ATRNL1: variants seen among roughly 807,000 people sequenced by gnomAD.
ATRNL1 encodes attractin like 1.
Under a neutral mutation model 182.7 loss-of-function variants are expected in ATRNL1, and 95 were observed. That is an observed-to-expected ratio of 0.52 (90% CI 0.44 to 0.62). ATRNL1 has a LOEUF of 0.62. Among genes scored for constraint, ATRNL1 ranks in the 20% least tolerant of loss-of-function variants. The pLI is 0.00. For missense variants in ATRNL1, 1,471 were observed against 1,679.5 expected (o/e 0.88, Z 2.17); for synonymous variants, 576 against 568.3 (o/e 1.01, Z -0.19).
intron 26 of ATRNL1, among the ~76,000 whole-genome samples, chr10:115,643,953 C>T (rs1180503269): frequency 6.6e-6 from 1 of 152,134 alleles, no homozygotes; most frequent in Non-Finnish European, 1.5e-5. Flanking sequence ...GACATAATCT[C>T]ATTTCTCCAT....
intron 19 of ATRNL1, among the ~76,000 whole-genome samples, chr10:115,335,416 T>G (rs1005441049): frequency 6.6e-6 from 1 of 152,180 alleles, no homozygotes; most frequent in African/African-American, 2.4e-5. Context: ...AATATGGCTG[T>G]CTGGGCCACT....
At chr10:115,204,162 A>G (rs1305430594) in intron 8 of ATRNL1, among the ~76,000 whole-genome samples, 1 of 152,018 alleles carries the variant, frequency 6.6e-6, no homozygotes, top group Non-Finnish European at 1.5e-5. Context: ...CTGCAAGTTT[A>G]CGGAATTTTT....
intron 19 of ATRNL1, among the ~76,000 whole-genome samples, chr10:115,368,119 C>T (rs1354050277): frequency 4.6e-5 from 7 of 152,226 alleles, no homozygotes; most frequent in Admixed American, 4.6e-4. Flanking sequence ...CGCCCCTCCC[C>T]CAGGCTCGCT....
intron 19 of ATRNL1, among the ~76,000 whole-genome samples, chr10:115,370,899 A>G (rs1857359847): frequency 1.3e-5 from 2 of 152,154 alleles, no homozygotes; most frequent in Non-Finnish European, 1.5e-5. Flanking sequence ...CAGGAGGCCT[A>G]GGAGGAAAAC....
At chr10:115,773,218 C>A (rs1949037880) in intron 27 of ATRNL1, among the ~76,000 whole-genome samples, 1 of 152,020 alleles carries the variant, frequency 6.6e-6, no homozygotes, top group African/African-American at 2.4e-5. Context: ...GCAAAAAATC[C>A]ATTCCCAAAA....
chr10:115,940,672 A>ACTCT lies in ATRNL1; in HGVS notation c.4019-3963_4019-3960dup, dbSNP rs144547639. Among the ~76,000 whole-genome samples, 874 of 128,870 alleles carry ACTCT rather than the reference A, an allele frequency of 6.8e-3. 5 individuals carry two copies. Among genetic ancestry groups the ACTCT allele is most frequent in the Admixed American group, 6.6e-3 (90 of 13,620 alleles). 84.5% of individuals were successfully genotyped at this position (128,870 alleles called of 152,430 possible). ...GTGCTGAAAGGCAATGACAGAGATT[A>ACTCT]CTCTCTCTCTCTCTCTCTCTCTCTC... On this transcript the variant is annotated intron_variant, in intron 28 of 28. Transcript: ENST00000355044.
chr10:115,109,666 A>T (rs562241706), intron 1 of ATRNL1, among the ~76,000 whole-genome samples: 1 of 152,110 alleles, frequency 6.6e-6, no homozygotes, highest in Non-Finnish European at 1.5e-5. Context: ...CATGTCAAGG[A>T]TGGCTGTTAT....
intron 18 of ATRNL1, among the ~76,000 whole-genome samples, chr10:115,332,746 A>T (rs559380750): frequency 6.6e-6 from 1 of 151,258 alleles, no homozygotes; most frequent in Non-Finnish European, 1.5e-5. Context: ...TGATGATCCT[A>T]TGCTAGCCTC....
In ATRNL1 at chr10:115,946,300, G is replaced by C. The variant is rs1953874619; in HGVS notation, c.*1521G>C. 6.6e-6 allele frequency: 1 copy of C among 152,158 alleles called. No individual in the cohort carries two copies. Among genetic ancestry groups the C allele is most frequent in the Non-Finnish European group, 1.5e-5 (1 of 68,028 alleles). The allele number at this position is 152,158 out of a possible 1,614,324, so 9.4% of individuals were successfully genotyped here. A position where few individuals can be genotyped will look rare whatever the true frequency, so the allele number is the denominator to read the frequency against. Reference sequence around the variant, plus strand: ...ACTTGCATGCCATGGTTGTACAGTAGCAGACTATGACCCTATTGTGATATT... The same window carrying C: ...ACTTGCATGCCATGGTTGTACAGTACCAGACTATGACCCTATTGTGATATT... On this transcript the variant is annotated 3_prime_UTR_variant, in exon 29 of 29. Transcript: ENST00000355044.
chr10:115,406,675 T>C (rs1844846259), intron 20 of ATRNL1, among the ~76,000 whole-genome samples: 1 of 152,180 alleles, frequency 6.6e-6, no homozygotes, highest in South Asian at 2.1e-4. Flanking sequence ...TTTCTCTTTT[T>C]ATGATGTAGT....
intron 28 of ATRNL1, among the ~76,000 whole-genome samples, chr10:115,911,997 G>A (rs1400418000): frequency 5.3e-5 from 8 of 152,046 alleles, no homozygotes; most frequent in African/African-American, 9.7e-5. Flanking sequence ...TACACCATGC[G>A]CTAACACAAG....
intron 27 of ATRNL1, among the ~76,000 whole-genome samples, chr10:115,812,763 C>T (rs1555087413): frequency 6.6e-6 from 1 of 152,076 alleles, no homozygotes; most frequent in African/African-American, 2.4e-5. Context: ...GGGCATGAAC[C>T]ACCGTGCCTG....
chr10:115,243,791 G>GTT (rs200699176), intron 10 of ATRNL1, among the ~76,000 whole-genome samples: 7 of 151,298 alleles, frequency 4.6e-5, no homozygotes, highest in South Asian at 4.2e-4. Context: ...TTTAACAAAG[G>GTT]TTTTTTTTTA....
At chr10:115,423,610 A>G (rs927856858) in intron 20 of ATRNL1, among the ~76,000 whole-genome samples, 1 of 152,248 alleles carries the variant, frequency 6.6e-6, no homozygotes, top group South Asian at 2.1e-4. Context: ...AGAATAAAGA[A>G]CCCAGAAATA....
At chr10:115,474,958 C>A (rs1848468970) in intron 24 of ATRNL1, among the ~76,000 whole-genome samples, 1 of 151,244 alleles carries the variant, frequency 6.6e-6, no homozygotes, top group South Asian at 2.1e-4. Flanking sequence ...ACCCAAATCC[C>A]CCTAGGTGAT....
chr10:115,461,645 T>G (rs1554969697), intron 21 of ATRNL1, among the ~76,000 whole-genome samples: 1 of 152,110 alleles, frequency 6.6e-6, no homozygotes, highest in African/African-American at 2.4e-5. Context: ...ATAGATAATT[T>G]TTATTTTATT....
At chr10:115,907,845 T>A (rs1196772900) in intron 28 of ATRNL1, among the ~76,000 whole-genome samples, 1 of 152,134 alleles carries the variant, frequency 6.6e-6, no homozygotes, top group Admixed American at 6.5e-5. Flanking sequence ...TGTTAGGACT[T>A]ACTTCATTTT....
chr10:115,094,016 A>G lies in ATRNL1; in HGVS notation c.266A>G (p.Gln89Arg). ...TGCGACCCGGGCTGGGTGGGGGACC[A>G]GTGCCAGCACTGCCAGGGCAGGTTC... Reference protein sequence around the residue: ...CLCDPGWVGDQCQHCQGRFKL... With the variant: ...CLCDPGWVGDRCQHCQGRFKL... The change falls in exon 1 of 29, where the codon CAG becomes CGG. Residue 89 changes from glutamine (Q) to arginine (R), a missense_variant. Transcript: ENST00000355044. 1.3e-6 allele frequency: 2 copies of G among 1,572,662 alleles called. No homozygotes were observed. Among genetic ancestry groups the G allele is most frequent in the Non-Finnish European group, 1.7e-6 (2 of 1,160,946 alleles).
chr10:115,122,921 A>C (rs893448819), intron 3 of ATRNL1, among the ~76,000 whole-genome samples: 1 of 152,182 alleles, frequency 6.6e-6, no homozygotes, highest in Non-Finnish European at 1.5e-5. Context: ...TTTGATCCTC[A>C]GTTCATACAT....
Sources: allele counts gnomAD v4.1 joint callset (sites outside exome capture counted in the v4.1 genomes callset), GRCh38; gene constraint gnomAD v4.1.1; transcripts MANE v1.5; gene names NCBI Gene and HGNC (gene_info 2026-07-23, HGNC 2026-07-21).